GHR: variants seen among roughly 807,000 people sequenced by gnomAD.
The protein encoded by GHR is growth hormone receptor, also known as GH receptor.
In GHR, 35 loss-of-function variants were observed where a neutral mutation model predicts 67.1. That is an observed-to-expected ratio of 0.52 (90% CI 0.40 to 0.69). GHR has a LOEUF of 0.69. GHR is among the 30% of genes least tolerant of loss of function. GHR has a pLI of 0.00. For missense variants in GHR, 792 were observed against 764.6 expected, an observed-to-expected ratio of 1.04 and a Z score of -0.42; for synonymous variants, 272 against 269.1, an observed-to-expected ratio of 1.01 and a Z score of -0.10.
At chr5:42,579,100 TA>T (rs70991417) in intron 2 of GHR, among the ~76,000 whole-genome samples, 26,174 of 126,816 alleles carry the variant, frequency 0.21, 2,670 homozygotes, top group African/African-American at 0.23. Context: ...GATAGATAGA[TA>T]GATAGATAGA....
chr5:42,604,237 C>T (rs965809174), intron 2 of GHR, among the ~76,000 whole-genome samples: 1 of 152,168 alleles, frequency 6.6e-6, no homozygotes, highest in Non-Finnish European at 1.5e-5. Context: ...AAATCCTGTA[C>T]TCTTTGGCCA....
chr5:42,541,477 G>A (rs965848750), intron 1 of GHR, among the ~76,000 whole-genome samples: 1 of 152,020 alleles, frequency 6.6e-6, no homozygotes, highest in Admixed American at 6.6e-5. Flanking sequence ...TGAGAGTGGG[G>A]TTGGGAAAAA....
intron 3 of GHR, among the ~76,000 whole-genome samples, chr5:42,688,010 G>A (rs1034417347): frequency 1.2e-4 from 18 of 152,188 alleles, no homozygotes; most frequent in African/African-American, 4.1e-4. Flanking sequence ...CCTAACACAT[G>A]AGAGGCATTC....
At chr5:42,714,693 T>A (rs1293407118) in intron 8 of GHR, among the ~76,000 whole-genome samples, 1 of 152,214 alleles carries the variant, frequency 6.6e-6, no homozygotes, top group Non-Finnish European at 1.5e-5. Flanking sequence ...TCTGGCAACA[T>A]TCCTGTTTTC....
chr5:42,638,497 C>A (rs974438733), intron 3 of GHR, among the ~76,000 whole-genome samples: 1 of 152,154 alleles, frequency 6.6e-6, no homozygotes, highest in Non-Finnish European at 1.5e-5. Context: ...TGCACACCAG[C>A]CTTTATGATA....
At chr5:42,675,623 C>A (rs938384423) in intron 3 of GHR, among the ~76,000 whole-genome samples, 3 of 152,102 alleles carry the variant, frequency 2.0e-5, no homozygotes, top group Admixed American at 2.0e-4. Context: ...ATTCAACCAC[C>A]AGCATTAAGG....
intron 2 of GHR, among the ~76,000 whole-genome samples, chr5:42,589,869 A>G (rs879881743): frequency 7.9e-5 from 12 of 152,238 alleles, no homozygotes; most frequent in African/African-American, 2.4e-5. Flanking sequence ...TGAAATAAAG[A>G]CCATTAAGTT....
intron 1 of GHR, among the ~76,000 whole-genome samples, chr5:42,534,323 T>C (rs1192873117): frequency 1.4e-5 from 2 of 141,682 alleles, no homozygotes. Flanking sequence ...TGTATATATG[T>C]ACATGTGTAT....
chr5:42,710,815 A>G (rs1248452578), intron 6 of GHR, among the ~76,000 whole-genome samples: 1 of 152,168 alleles, frequency 6.6e-6, no homozygotes, highest in East Asian at 1.9e-4. Context: ...GTGTGAAAAC[A>G]TGTTTGCTTT....
intron 1 of GHR, among the ~76,000 whole-genome samples, chr5:42,499,955 T>C (rs1027869235): frequency 6.6e-5 from 10 of 152,106 alleles, no homozygotes; most frequent in Non-Finnish European, 5.9e-5. Flanking sequence ...TTATTGCCAC[T>C]GAGGAATGCT....
At chr5:42,474,249 A>C (rs1343278285) in intron 1 of GHR, among the ~76,000 whole-genome samples, 3 of 122,552 alleles carry the variant, frequency 2.4e-5, no homozygotes, top group African/African-American at 6.8e-5. Flanking sequence ...AAGAGAGAGA[A>C]AGACAGACAG....
chr5:42,452,627 T>C (rs1350310724), intron 1 of GHR, among the ~76,000 whole-genome samples: 1 of 152,198 alleles, frequency 6.6e-6, no homozygotes, highest in Non-Finnish European at 1.5e-5. Flanking sequence ...ATTGGGTTAA[T>C]TCAAAAGTCT....
intron 1 of GHR, among the ~76,000 whole-genome samples, chr5:42,479,327 G>A (rs1241872981): frequency 6.6e-6 from 1 of 152,186 alleles, no homozygotes; most frequent in Non-Finnish European, 1.5e-5. Context: ...GTTCATCAAG[G>A]ATATTGGTCT....
intron 1 of GHR, among the ~76,000 whole-genome samples, chr5:42,533,909 A>G (rs1748091393): frequency 6.6e-6 from 1 of 151,132 alleles, no homozygotes; most frequent in Non-Finnish European, 1.5e-5. Context: ...GCCCCCACAT[A>G]TCAGTGAGAA....
chr5:42,616,536 A>G (rs1277094865), intron 2 of GHR, among the ~76,000 whole-genome samples: 1 of 152,080 alleles, frequency 6.6e-6, no homozygotes, highest in African/African-American at 2.4e-5. Flanking sequence ...GATACCTATT[A>G]GATACCAACT....
intron 1 of GHR, among the ~76,000 whole-genome samples, chr5:42,458,636 G>A (rs964355557): frequency 1.3e-5 from 2 of 152,112 alleles, no homozygotes; most frequent in Admixed American, 6.6e-5. Flanking sequence ...AGCAAAAATT[G>A]AGAAATGGAA....
intron 1 of GHR, among the ~76,000 whole-genome samples, chr5:42,471,537 T>C (rs757624899): frequency 1.3e-5 from 2 of 152,200 alleles, no homozygotes; most frequent in Non-Finnish European, 2.9e-5. Context: ...GCCTAGTGGT[T>C]AACACACATA....
intron 1 of GHR, among the ~76,000 whole-genome samples, chr5:42,497,164 A>G (rs1452753751): frequency 6.6e-6 from 1 of 152,172 alleles, no homozygotes. Flanking sequence ...TTTAGCCTTC[A>G]CATGGAGCCA....
intron 3 of GHR, among the ~76,000 whole-genome samples, chr5:42,644,324 T>G (rs1754624767): frequency 6.6e-6 from 1 of 152,188 alleles, no homozygotes; most frequent in Non-Finnish European, 1.5e-5. Flanking sequence ...TGAATCAAAG[T>G]AAGCCTCTAG....
Sources: allele counts gnomAD v4.1 joint callset (sites outside exome capture counted in the v4.1 genomes callset), GRCh38; gene constraint gnomAD v4.1.1; transcripts MANE v1.5; gene names NCBI Gene and HGNC (gene_info 2026-07-23, HGNC 2026-07-21).